The following CLTRN variants were observed in gnomAD, a reference collection of about 807,000 sequenced individuals.
The protein encoded by CLTRN is collectrin.
In CLTRN, 12 loss-of-function variants were observed where a neutral mutation model predicts 14.5. The ratio of observed to expected loss-of-function variants is 0.83; its 90% CI spans 0.53 to 1.34. The LOEUF (loss-of-function observed/expected upper bound fraction) is 1.34. CLTRN is among the 40% of genes most tolerant of loss of function. The pLI is 0.00. For missense variants in CLTRN, 154 were observed against 165.1 expected (o/e 0.93, Z 0.37); for synonymous variants, 58 against 56.5 (o/e 1.03, Z -0.12).
intron 3 of CLTRN, chrX:15,646,782 T>C (rs2147203656): frequency 6.0e-6 from 2 of 335,164 alleles, no homozygotes; most frequent in Non-Finnish European, 1.2e-5. Context: ...GCGGTGGCTT[T>C]GGACCGCCGC....
At chrX:15,642,028 T>C (rs1233748427) in intron 4 of CLTRN, among the ~76,000 whole-genome samples, 2 of 112,451 alleles carry the variant, frequency 1.8e-5, no homozygotes, top group Non-Finnish European at 3.8e-5. Flanking sequence ...ATATTTTATT[T>C]TGTCATAACC....
upstream of CLTRN, chrX:15,675,563 C>T (rs934982431): frequency 1.8e-5 from 2 of 112,448 alleles, no homozygotes; most frequent in African/African-American, 6.5e-5. Flanking sequence ...GTAGCCAGAG[C>T]GCAGAGCAGG....
intron 3 of CLTRN, among the ~76,000 whole-genome samples, chrX:15,657,016 T>C (rs955009431): frequency 2.7e-5 from 3 of 109,606 alleles, no homozygotes; most frequent in Non-Finnish European, 5.7e-5. Context: ...TTTTTTTTTT[T>C]GAGACAGAGT....
chrX:15,645,070 A>C, intron 3 of CLTRN, 41 bp from the exon 4 acceptor site: 2 of 870,268 alleles, frequency 2.3e-6, no homozygotes, highest in Non-Finnish European at 3.3e-6. Context: ...GAAGAATATC[A>C]TACCAAATGG....
chrX:15,644,857 A>C, intron 4 of CLTRN, 59 bp downstream of exon 4: 1 of 724,749 alleles, frequency 1.4e-6, no homozygotes, highest in Non-Finnish European at 2.1e-6. Context: ...ATTTTTAAAA[A>C]CAGTTGAATT....
At chrX:15,648,424 A>G (rs1929138635) in intron 3 of CLTRN, among the ~76,000 whole-genome samples, 1 of 111,397 alleles carries the variant, frequency 9.0e-6, no homozygotes, top group Admixed American at 9.5e-5. Context: ...TGACAATCAA[A>G]AATGGCTACA....
chrX:15,646,277 C>G, intron 3 of CLTRN: 1 of 249,523 alleles, frequency 4.0e-6, no homozygotes, highest in Non-Finnish European at 7.7e-6. Context: ...CGTGCACTTT[C>G]TGACATTTTG....
chrX:15,672,098 C>T (rs1032437605), intron 1 of CLTRN, among the ~76,000 whole-genome samples: 1 of 112,093 alleles, frequency 8.9e-6, no homozygotes, highest in African/African-American at 3.2e-5. Flanking sequence ...AAGTTAATCA[C>T]TACCGTTTGG....
chrX:15,641,312 A>G (rs1362012952), intron 4 of CLTRN, among the ~76,000 whole-genome samples: 3 of 111,729 alleles, frequency 2.7e-5, no homozygotes, highest in Non-Finnish European at 5.6e-5. Context: ...ATATTATGCA[A>G]GCTGCCTTTG....
intron 1 of CLTRN, among the ~76,000 whole-genome samples, chrX:15,670,348 CACAA>C (rs1321209142): frequency 1.1e-4 from 12 of 108,586 alleles, no homozygotes; most frequent in African/African-American, 3.4e-4. Context: ...CACACACACA[CACAA>C]ACCCCTTTGG....
At chrX:15,631,476 A>G (rs1469148521) in intron 5 of CLTRN, among the ~76,000 whole-genome samples, 5 of 112,246 alleles carry the variant, frequency 4.5e-5, no homozygotes, top group African/African-American at 1.6e-4. Context: ...GAAAAATAAC[A>G]AAGAGCTAGA....
intron 1 of CLTRN, among the ~76,000 whole-genome samples, chrX:15,671,223 A>T (rs1377477612): frequency 8.9e-6 from 1 of 112,160 alleles, no homozygotes. Flanking sequence ...GGAGAAAAAG[A>T]GGATAAAAAG....
intron 4 of CLTRN, 120 bp downstream of exon 4, chrX:15,644,796 T>C: frequency 4.3e-6 from 2 of 469,700 alleles, no homozygotes; most frequent in Non-Finnish European, 7.0e-6. Context: ...GAAATCTTTG[T>C]CATTTTAATA....
intron 1 of CLTRN, among the ~76,000 whole-genome samples, chrX:15,672,077 T>C (rs1297687161): frequency 8.9e-6 from 1 of 112,411 alleles, no homozygotes; most frequent in African/African-American, 3.2e-5. Context: ...AACATTTTTC[T>C]ACTTCAGAGA....
At chrX:15,643,250 CTAT>C (rs1161181035) in intron 4 of CLTRN, among the ~76,000 whole-genome samples, 1 of 112,029 alleles carries the variant, frequency 8.9e-6, no homozygotes, top group Non-Finnish European at 1.9e-5. Flanking sequence ...CTTGAAATTC[CTAT>C]TATTTGCTCT....
At chrX:15,637,077 T>C (rs1490085332) in intron 5 of CLTRN, among the ~76,000 whole-genome samples, 1 of 111,032 alleles carries the variant, frequency 9.0e-6, no homozygotes, top group African/African-American at 3.3e-5. Context: ...AATATATATA[T>C]GTGTGTTAGA....
intron 4 of CLTRN, among the ~76,000 whole-genome samples, chrX:15,640,326 T>C (rs770324854): frequency 1.8e-3 from 200 of 112,773 alleles, no homozygotes; most frequent in Non-Finnish European, 3.2e-3. Flanking sequence ...TAAAAGTGGG[T>C]ATAAATATGA....
At chrX:15,641,992 A>T (rs1928954933) in intron 4 of CLTRN, among the ~76,000 whole-genome samples, 1 of 111,859 alleles carries the variant, frequency 8.9e-6, no homozygotes, top group Non-Finnish European at 1.9e-5. Flanking sequence ...ATAATCTACA[A>T]CAAGGGATTT....
At chrX:15,657,220 G>A (rs926503174) in intron 3 of CLTRN, among the ~76,000 whole-genome samples, 7 of 111,753 alleles carry the variant, frequency 6.3e-5, no homozygotes, top group South Asian at 3.7e-4. Context: ...GGCTGGTCTC[G>A]AACTCCTGGG....
Sources: gnomAD v4.1 joint callset for allele counts (sites outside exome capture counted in the v4.1 genomes callset) on GRCh38, gnomAD v4.1.1 for gene constraint, MANE v1.5 for transcripts, NCBI Gene and HGNC (gene_info 2026-07-23, HGNC 2026-07-21) for gene names.